EIF2AK1: variants seen among roughly 807,000 people sequenced by gnomAD.
EIF2AK1 encodes the protein eukaryotic translation initiation factor 2 alpha kinase 1.
A neutral mutation model predicts 77.9 loss-of-function variants in EIF2AK1; 54 were observed. That is an observed-to-expected ratio of 0.69 (90% CI 0.56 to 0.87). The LOEUF (loss-of-function observed/expected upper bound fraction) is 0.87. Among genes scored for constraint, EIF2AK1 ranks in the 40% least tolerant of loss-of-function variants. The pLI is 0.00. For missense variants in EIF2AK1, 810 were observed against 768.6 expected (o/e 1.05, Z -0.64); for synonymous variants, 314 against 290.5 (o/e 1.08, Z -0.82).
At chr7:6,034,612 C>T (rs909606067) in intron 11 of EIF2AK1, among the ~76,000 whole-genome samples, 16 of 152,186 alleles carry the variant, frequency 1.1e-4, no homozygotes, top group Non-Finnish European at 1.8e-4. Flanking sequence ...GACTATAAGC[C>T]CTACAAAGGT....
At chr7:6,041,546 GA>G (rs201827857) in intron 8 of EIF2AK1, among the ~76,000 whole-genome samples, 30 of 128,040 alleles carry the variant, frequency 2.3e-4, no homozygotes, top group African/African-American at 5.9e-4. Flanking sequence ...CCGTCTCCAA[GA>G]AAAAAAAAAG....
rs79219937 is a variant in EIF2AK1, at chr7:6,051,138, A to G, written c.278-1093T>C. Reference sequence around the variant, plus strand: ...CATCGTCACGAAATACCTTTAACCAACATACAAAGAGCCCATGGTACACGT... The same window carrying G: ...CATCGTCACGAAATACCTTTAACCAGCATACAAAGAGCCCATGGTACACGT... On this transcript the variant is annotated intron_variant, in intron 2 of 14. Coordinates refer to ENST00000199389, the MANE Select transcript of EIF2AK1 (RefSeq NM_014413.4). Among the ~76,000 whole-genome samples, 961 of 152,270 alleles carry G rather than the reference A, an allele frequency of 6.3e-3. 9 individuals carry two copies. Among genetic ancestry groups the G allele is most frequent in the African/African-American group, 0.022 (925 of 41,550 alleles).
At position 6,023,322 on chromosome 7, in the gene EIF2AK1, A is replaced by G; in HGVS notation, c.*1351T>C. The G allele has an allele frequency of 1.2e-6, 2 of 1,602,342 alleles. No homozygotes were observed. The highest frequency in any genetic ancestry group is 1.7e-6 in the Non-Finnish European group (2 of 1,175,444). On this transcript the variant is annotated 3_prime_UTR_variant, in exon 15 of 15. Transcript: ENST00000199389. ...TTTCAGTGCCGAAGACGCAGATGAA[A>G]TTCAGCATCCAGACGATGTGCCCCA...
In EIF2AK1 at chr7:6,023,252, T is replaced by G; in HGVS notation, c.*1421A>C. On this transcript the variant is annotated 3_prime_UTR_variant, in exon 15 of 15. Coordinates refer to ENST00000199389, the MANE Select transcript of EIF2AK1 (RefSeq NM_014413.4). ...GTCCCCTTCCCCACTGTGCGAGTAC[T>G]TCCCTCAGGGCTGCTCTGGTGATGC... 6.6e-7 allele frequency: 1 copy of G among 1,526,412 alleles called. No homozygotes were observed. Among genetic ancestry groups the G allele is most frequent in the Non-Finnish European group, 8.7e-7 (1 of 1,146,170 alleles). 94.6% of individuals were successfully genotyped at this position (1,526,412 alleles called of 1,614,324 possible).
At position 6,037,536 on chromosome 7, in the gene EIF2AK1, AAAAAATAGTT is replaced by A; in HGVS notation, c.1232-22_1232-13del. The stretch of plus-strand genomic sequence containing the variant: ...CATAACATAAGGACCTTGAAGTAAA[AAAAAATAGTT>A]TTATTTCTCTAATTTTTTTACTCAT... On this transcript the variant is annotated splice_polypyrimidine_tract_variant and intron_variant, in intron 10 of 14. Coordinates refer to ENST00000199389, the MANE Select transcript of EIF2AK1 (RefSeq NM_014413.4). The A allele has an allele frequency of 6.5e-7, 1 of 1,548,750 alleles. No individual in the cohort carries two copies. Among genetic ancestry groups the A allele is most frequent in the Non-Finnish European group, 8.9e-7 (1 of 1,128,684 alleles).
At chr7:6,031,282 C>G (rs1787902650) in intron 11 of EIF2AK1, 1 of 1,210,342 alleles carries the variant, frequency 8.3e-7, no homozygotes, top group Non-Finnish European at 1.2e-6. Flanking sequence ...AATTCTAGAA[C>G]AGTTCTAGAA....
intron 11 of EIF2AK1, 114 bp from the exon 12 acceptor site, chr7:6,029,146 A>C: frequency 1.2e-6 from 1 of 863,490 alleles, no homozygotes; most frequent in Non-Finnish European, 1.8e-6. Flanking sequence ...CAAAAGTTAA[A>C]TATTTGAGGA....
intron 4 of EIF2AK1, 151 bp downstream of exon 4, chr7:6,048,656 A>G: frequency 1.7e-6 from 1 of 585,080 alleles, no homozygotes; most frequent in Admixed American, 4.0e-5. Flanking sequence ...AAGCAAAGCA[A>G]GTCTCAGAGC....
chr7:6,049,895 T>C lies in EIF2AK1; in HGVS notation c.411+17A>G. 1 of 1,598,448 alleles carries C rather than the reference T, an allele frequency of 6.3e-7. No individual in the cohort carries two copies. Among genetic ancestry groups the C allele is most frequent in the Non-Finnish European group, 8.5e-7 (1 of 1,175,578 alleles). ...GTATATTTTTGTCATACCCAAAGTATATTTTTTAGGGCTTACCTGACGAAC... is the reference window on the plus strand; with the variant it reads ...GTATATTTTTGTCATACCCAAAGTACATTTTTTAGGGCTTACCTGACGAAC... On this transcript the variant is annotated intron_variant, in intron 3 of 14. Coordinates refer to ENST00000199389, the MANE Select transcript of EIF2AK1 (RefSeq NM_014413.4).
At chr7:6,037,071 A>C (rs1788120946) in intron 11 of EIF2AK1, among the ~76,000 whole-genome samples, 1 of 152,070 alleles carries the variant, frequency 6.6e-6, no homozygotes, top group South Asian at 2.1e-4. Flanking sequence ...CTACAAAAAA[A>C]AATTTAAAAA....
At chr7:6,028,044 C>A in intron 13 of EIF2AK1, 1 of 390,752 alleles carries the variant, frequency 2.6e-6, no homozygotes, top group South Asian at 1.8e-5. Flanking sequence ...ACCTGGGCAA[C>A]AGAGCAAGAC....
Position 6,027,461 on chromosome 7 carries a change from G to C in EIF2AK1, c.1531-500C>G, listed in dbSNP as rs1322640780. ...AAGGTCTTCACTAAACAAGATTTTA[G>C]GGGCAGCCATCATTTTTTCTGACAG... On this transcript the variant is annotated intron_variant, in intron 13 of 14. Coordinates refer to ENST00000199389, the MANE Select transcript of EIF2AK1 (RefSeq NM_014413.4). This position sits in a 1 kb window ranked among gnomAD's most constrained non-coding sequence, Gnocchi z 4.5. Among the ~76,000 whole-genome samples the C allele has an allele frequency of 6.6e-6, 1 of 152,128 alleles. No individual in the cohort carries two copies. The highest frequency in any genetic ancestry group is 1.5e-5 in the Non-Finnish European group (1 of 68,026).
intron 4 of EIF2AK1, 82 bp downstream of exon 4, chr7:6,048,725 T>A: frequency 8.8e-7 from 1 of 1,132,602 alleles, no homozygotes; most frequent in Non-Finnish European, 1.3e-6. Context: ...AACAATATTA[T>A]GTTTTAACCT....
At position 6,024,556 on chromosome 7, in the gene EIF2AK1, A is replaced by C. The variant is rs536543207; in HGVS notation, c.*117T>G. 22 of 1,525,240 alleles carry C rather than the reference A, an allele frequency of 1.4e-5. No individual in the cohort carries two copies. The highest frequency in any genetic ancestry group is 2.2e-5 in the Admixed American group (1 of 45,102). 94.5% of individuals were successfully genotyped at this position (1,525,240 alleles called of 1,614,324 possible). A position where few individuals can be genotyped will look rare whatever the true frequency, so the allele number is the denominator to read the frequency against. On this transcript the variant is annotated 3_prime_UTR_variant, in exon 15 of 15. Coordinates refer to ENST00000199389, the MANE Select transcript of EIF2AK1 (RefSeq NM_014413.4). ...GAACGGCAGCTTGGGGCACTCTGAC[A>C]TCTTTAACAAGTCTTGTAAAGGCTT...
intron 7 of EIF2AK1, among the ~76,000 whole-genome samples, chr7:6,044,238 G>A (rs1335310511): frequency 6.6e-6 from 1 of 152,066 alleles, no homozygotes; most frequent in Non-Finnish European, 1.5e-5. Context: ...GCCGAGGCGG[G>A]CGAATCACGA....
At chr7:6,028,254 G>T (rs1303195493) in intron 13 of EIF2AK1, among the ~76,000 whole-genome samples, 1 of 138,022 alleles carries the variant, frequency 7.2e-6, no homozygotes, top group Admixed American at 7.1e-5. Context: ...TGTACTGTTT[G>T]TTTTTTTTTT....
intron 11 of EIF2AK1, among the ~76,000 whole-genome samples, chr7:6,034,966 G>C (rs907203300): frequency 6.6e-6 from 1 of 152,064 alleles, no homozygotes; most frequent in African/African-American, 2.4e-5. Context: ...ACGGGAGTTC[G>C]GGCCTTCACG....
intron 2 of EIF2AK1, among the ~76,000 whole-genome samples, chr7:6,052,919 C>T (rs985770612): frequency 2.0e-5 from 3 of 151,448 alleles, no homozygotes; most frequent in South Asian, 2.1e-4. Context: ...GCGGAAATCG[C>T]GCCAATGCAC....
At chr7:6,045,733 TTATA>T (rs57579824) in intron 6 of EIF2AK1, among the ~76,000 whole-genome samples, 1 of 138,018 alleles carries the variant, frequency 7.2e-6, no homozygotes, top group African/African-American at 2.6e-5. Flanking sequence ...ATTTTAAAAA[TTATA>T]TATATATATA....
Sources: allele counts gnomAD v4.1 joint callset (sites outside exome capture counted in the v4.1 genomes callset), GRCh38; gene constraint gnomAD v4.1.1; non-coding constraint Gnocchi (gnomAD v3.1); transcripts MANE v1.5; gene names NCBI Gene and HGNC (gene_info 2026-07-23, HGNC 2026-07-21).